The following CEP192 variants were observed in gnomAD, a reference collection of about 807,000 sequenced individuals.
CEP192 encodes the protein centrosomal protein of 192 kDa.
Under a neutral mutation model 271.8 loss-of-function variants are expected in CEP192, and 151 were observed. The observed-to-expected ratio is 0.56, with a 90% CI of 0.49 to 0.64. The LOEUF is 0.64. Ranked by LOEUF, CEP192 falls within the 30% of genes least tolerant of loss-of-function variation. The probability of loss-of-function intolerance (pLI) is 0.00; values close to 1 mark genes in which losing one functional copy is unlikely to be tolerated. For missense variants in CEP192, 2,910 were observed against 3,020.5 expected, an observed-to-expected ratio of 0.96 and a Z score of 0.86; for synonymous variants, 995 against 1,076.5, an observed-to-expected ratio of 0.92 and a Z score of 1.48.
intron 28 of CEP192, among the ~76,000 whole-genome samples, chr18:13,072,079 C>A (rs1412692564): frequency 6.6e-6 from 1 of 152,222 alleles, no homozygotes; most frequent in Non-Finnish European, 1.5e-5. Flanking sequence ...CCAAAGTTGT[C>A]TGCGTTTCTC....
intron 4 of CEP192, among the ~76,000 whole-genome samples, chr18:13,011,354 C>T (rs780533967): frequency 6.6e-6 from 1 of 151,720 alleles, no homozygotes; most frequent in East Asian, 1.9e-4. Context: ...AAATTGAAAT[C>T]CTCATACATT....
At position 13,119,251 on chromosome 18, in the gene CEP192, C is replaced by CA. The variant is rs548355387; in HGVS notation, c.7475+1611dup. On this transcript the variant is annotated intron_variant, in intron 44 of 44. Transcript: ENST00000506447. ...CCTGAACACTGTTATTATCTAAACT[C>CA]AAATTTTATCATAACTGCATTATTC... Among the ~76,000 whole-genome samples, 687 of 152,306 alleles carry CA rather than the reference C, an allele frequency of 4.5e-3. 6 individuals carry two copies. The highest frequency in any genetic ancestry group is 0.016 in the African/African-American group (663 of 41,562).
chr18:13,101,168 C>T (rs1434897444), intron 38 of CEP192, among the ~76,000 whole-genome samples: 7 of 152,152 alleles, frequency 4.6e-5, no homozygotes, highest in African/African-American at 1.4e-4. Flanking sequence ...TAGTCAGCCG[C>T]AATCACAAGG....
At chr18:13,105,184 A>G in intron 40 of CEP192, 105 bp downstream of exon 40, 1 of 787,430 alleles carries the variant, frequency 1.3e-6, no homozygotes, top group Non-Finnish European at 2.2e-6. Context: ...AGTGCTACTC[A>G]CAGAGCCAGT....
chr18:13,102,164 C>T (rs996283034), intron 38 of CEP192, among the ~76,000 whole-genome samples: 1 of 152,116 alleles, frequency 6.6e-6, no homozygotes, highest in African/African-American at 2.4e-5. Context: ...CTTCTTTCCT[C>T]TGGGAGCTCC....
At chr18:13,007,295 A>G (rs2034043012) in intron 3 of CEP192, among the ~76,000 whole-genome samples, 1 of 152,162 alleles carries the variant, frequency 6.6e-6, no homozygotes, top group Non-Finnish European at 1.5e-5. Context: ...CTTGAAACTT[A>G]TGACTTAGTT....
chr18:12,995,455 G>A (rs928561911), intron 1 of CEP192, among the ~76,000 whole-genome samples: 1 of 152,200 alleles, frequency 6.6e-6, no homozygotes, highest in African/African-American at 2.4e-5. Flanking sequence ...CATGATCTGA[G>A]AGCAGAGTGC....
At chr18:13,075,422 T>C (rs1450025750) in intron 30 of CEP192, among the ~76,000 whole-genome samples, 1 of 152,032 alleles carries the variant, frequency 6.6e-6, no homozygotes, top group East Asian at 1.9e-4. Flanking sequence ...AAAAATTAGC[T>C]GGGCATGGTG....
Position 13,117,610 on chromosome 18 carries a change from C to T in CEP192, c.7442C>T (p.Pro2481Leu), listed in dbSNP as rs368494092. Residue 2481 changes from proline to leucine, a missense_variant, in exon 44 of 45, where the codon CCA becomes CTA. Pro to Leu is a moderately conservative substitution (Grantham distance 98, BLOSUM62 -3). Coordinates refer to ENST00000506447, the MANE Select transcript of CEP192 (RefSeq NM_032142.4). ...CTGAAGTTTTTGAGTCCCAGAGAGCCATTCTATGTCAAACATTCCAAGTAC... is the reference window on the plus strand; with the variant it reads ...CTGAAGTTTTTGAGTCCCAGAGAGCTATTCTATGTCAAACATTCCAAGTAC... ...HSLKFLSPRE[P>L]FYVKHSKYSL... is the part of the protein sequence containing the mutation. 6.2e-7 allele frequency: 1 copy of T among 1,612,458 alleles called. No individual in the cohort carries two copies. Among genetic ancestry groups the T allele is most frequent in the Non-Finnish European group, 8.5e-7 (1 of 1,178,772 alleles).
intron 12 of CEP192, 118 bp from the exon 13 acceptor site, chr18:13,038,252 A>G: frequency 2.5e-6 from 2 of 792,982 alleles, no homozygotes; most frequent in Non-Finnish European, 4.0e-6. Context: ...TTTTTTGTCT[A>G]GTTTTTCAAA....
intron 5 of CEP192, 120 bp downstream of exon 5, chr18:13,013,145 C>CT: frequency 1.8e-6 from 1 of 551,608 alleles, no homozygotes; most frequent in Non-Finnish European, 3.2e-6. Flanking sequence ...TAGTAGAGCT[C>CT]TAACTTATCC....
chr18:13,124,558 G>A, intron 44 of CEP192, 74 bp from the exon 45 acceptor site: 1 of 1,426,340 alleles, frequency 7.0e-7, no homozygotes, highest in Non-Finnish European at 9.4e-7. Flanking sequence ...ACCTGAGCCA[G>A]GCACTGTGCT....
At chr18:13,046,829 CTTT>C (rs574030180) in intron 15 of CEP192, among the ~76,000 whole-genome samples, 3 of 122,372 alleles carry the variant, frequency 2.5e-5, no homozygotes, top group Non-Finnish European at 3.4e-5. Flanking sequence ...AATATCCTTA[CTTT>C]TTTTTTTTTT....
Position 13,056,836 on chromosome 18 carries a change from G to A in CEP192, c.4108+138G>A, listed in dbSNP as rs964666717. On this transcript the variant is annotated intron_variant, in intron 19 of 44. Transcript: ENST00000506447. ...TGCTTCTTCCTAAACTGAGAACACC[G>A]TGTATTTCTGTGCAAGCGTCCCTAA... The A allele has an allele frequency of 6.1e-5, 46 of 748,356 alleles. No individual in the cohort carries two copies. The South Asian group carries it at 6.2e-4, about 10-fold the overall frequency. The allele number at this position is 748,356 out of a possible 1,614,324, so 46.4% of individuals were successfully genotyped here. A position where few individuals can be genotyped will look rare whatever the true frequency, so the allele number is the denominator to read the frequency against.
chr18:12,997,738 T>TG (rs1004512771), intron 1 of CEP192, among the ~76,000 whole-genome samples: 7 of 152,148 alleles, frequency 4.6e-5, no homozygotes, highest in Admixed American at 2.0e-4. Flanking sequence ...TTCTTATTTT[T>TG]GGGGGGGATA....
intron 30 of CEP192, among the ~76,000 whole-genome samples, chr18:13,083,829 A>G (rs1457159926): frequency 1.3e-5 from 2 of 151,962 alleles, no homozygotes; most frequent in Non-Finnish European, 2.9e-5. Context: ...GTTGATGTTG[A>G]TGGTGTTCCT....
In CEP192 at chr18:13,057,673, A is replaced by G. The variant is rs2037186989; in HGVS notation, c.4197A>G (p.Pro1399=). 6.2e-7 allele frequency: 1 copy of G among 1,614,068 alleles called. No homozygotes were observed. The highest frequency in any genetic ancestry group is 8.5e-7 in the Non-Finnish European group (1 of 1,179,986). Residue 1399 remains proline (P), a synonymous_variant, in exon 20 of 45, where the codon CCA becomes CCG. Coordinates refer to ENST00000506447, the MANE Select transcript of CEP192 (RefSeq NM_032142.4). The part of the protein sequence containing the change: ...ASQTLLSVLN[P]TDRWLQVSIG... ...AGACCCTCCTCAGTGTGCTTAATCC[A>G]ACTGACCGCTGGCTGCAAGTCAGCA... is the stretch of plus-strand genomic sequence containing the variant.
intron 24 of CEP192, 80 bp from the exon 25 acceptor site, chr18:13,068,772 G>GCAC (rs1376792429): frequency 3.4e-6 from 5 of 1,474,204 alleles, no homozygotes; most frequent in Admixed American, 1.7e-5. Flanking sequence ...GCCCCTAAGG[G>GCAC]CACTGTGTGG....
chr18:13,023,885 C>T (rs1011388936), intron 9 of CEP192, among the ~76,000 whole-genome samples: 6 of 152,106 alleles, frequency 3.9e-5, no homozygotes, highest in Non-Finnish European at 5.9e-5. Context: ...TCATTATTGC[C>T]TTAATTTCTT....
Sources: allele counts gnomAD v4.1 joint callset (sites outside exome capture counted in the v4.1 genomes callset), GRCh38; gene constraint gnomAD v4.1.1; transcripts MANE v1.5; gene names NCBI Gene and HGNC (gene_info 2026-07-23, HGNC 2026-07-21).